The following CLCN5 variants were observed in gnomAD, a reference collection of about 807,000 sequenced individuals.
The protein encoded by CLCN5 is H(+)/Cl(-) exchange transporter 5.
A neutral mutation model predicts 54.0 loss-of-function variants in CLCN5; 17 were observed. That is an observed-to-expected ratio of 0.31 (90% CI 0.22 to 0.47). CLCN5 has a LOEUF of 0.47. Ranked by LOEUF, CLCN5 falls within the 20% of genes least tolerant of loss-of-function variation. The pLI is 1.00. For missense variants in CLCN5, 448 were observed against 646.7 expected, an observed-to-expected ratio of 0.69 and a Z score of 3.33; for synonymous variants, 222 against 233.0, an observed-to-expected ratio of 0.95 and a Z score of 0.43.
At chrX:49,931,324 A>G (rs1300655776) in intron 3 of CLCN5, among the ~76,000 whole-genome samples, 4 of 111,916 alleles carry the variant, frequency 3.6e-5, no homozygotes, top group Non-Finnish European at 7.5e-5. Context: ...TATGGATAGT[A>G]TAAAAAAAAG....
chrX:50,044,765 C>T (rs1329615504), intron 4 of CLCN5, among the ~76,000 whole-genome samples: 1 of 111,250 alleles, frequency 9.0e-6, no homozygotes, highest in African/African-American at 3.3e-5. Context: ...AATGGCTTGA[C>T]CATTGTGCGG....
intron 7 of CLCN5, among the ~76,000 whole-genome samples, chrX:50,078,301 T>C (rs940408719): frequency 1.1e-4 from 12 of 111,027 alleles, no homozygotes; most frequent in Non-Finnish European, 2.3e-4. Context: ...GCCACTGCAC[T>C]CCAACCTGGG....
At chrX:50,042,102 G>C (rs1401958192) in intron 3 of CLCN5, among the ~76,000 whole-genome samples, 1 of 111,883 alleles carries the variant, frequency 8.9e-6, no homozygotes, top group East Asian at 2.8e-4. Context: ...AGGTTACCAG[G>C]GCCTGGGGGA....
chrX:50,094,527 A>G lies in CLCN5; in HGVS notation c.*2308A>G, dbSNP rs1354941616. 3 of 112,701 alleles carry G rather than the reference A, an allele frequency of 2.7e-5. No homozygotes were observed. The highest frequency in any genetic ancestry group is 3.2e-5 in the African/African-American group (1 of 30,943). 9.3% of individuals were successfully genotyped at this position (112,701 alleles called of 1,213,427 possible). A position where few individuals can be genotyped will look rare whatever the true frequency, so the allele number is the denominator to read the frequency against. Reference sequence around the variant, plus strand: ...TCATATTTCATAGTGCAGTAGCGATAAGGAGGGTGTCTCAAGTTTGCTTTT... The same window carrying G: ...TCATATTTCATAGTGCAGTAGCGATGAGGAGGGTGTCTCAAGTTTGCTTTT... On this transcript the variant is annotated 3_prime_UTR_variant, in exon 15 of 15. Transcript: ENST00000376091.
At chrX:49,988,247 A>G (rs1557178494) in intron 3 of CLCN5, among the ~76,000 whole-genome samples, 1 of 110,901 alleles carries the variant, frequency 9.0e-6, no homozygotes, top group East Asian at 2.8e-4. Flanking sequence ...ATTGTCCATC[A>G]CCCAGGCCAG....
At chrX:50,057,492 A>G (rs1557189135) in intron 4 of CLCN5, among the ~76,000 whole-genome samples, 2 of 163 alleles carry the variant, frequency 0.012, no homozygotes, top group African/African-American at 0.059. Context: ...CTGGATAGAT[A>G]CTATCCAGGA....
chrX:50,086,330 C>G lies in CLCN5; in HGVS notation c.1017C>G (p.Val339=). ...CTTTCTCACCTTCTTTCTTCTAGGT[C>G]AGCTACTATTTTCCCCTCAAAACAT... ...IGGVLFSLEE[V]SYYFPLKTLW... The change falls in exon 11 of 15, where the codon GTC becomes GTG. Residue 339 remains valine, a splice_region_variant and synonymous_variant. Transcript: ENST00000376091. 8.3e-7 allele frequency: 1 copy of G among 1,208,219 alleles called. No homozygotes were observed. The highest frequency in any genetic ancestry group is 3.0e-5 in the East Asian group (1 of 33,758).
chrX:50,078,415 C>A (rs1268618219), intron 7 of CLCN5, among the ~76,000 whole-genome samples: 6 of 111,881 alleles, frequency 5.4e-5, no homozygotes, highest in Admixed American at 4.7e-4. Flanking sequence ...ACCCTTCCCC[C>A]AGCCTTCCCT....
chrX:50,074,601 G>A (rs1933337283), intron 6 of CLCN5, among the ~76,000 whole-genome samples: 1 of 112,276 alleles, frequency 8.9e-6, no homozygotes, highest in African/African-American at 3.2e-5. Context: ...GATTCTTCAA[G>A]TATGTAAGTA....
intron 3 of CLCN5, among the ~76,000 whole-genome samples, chrX:49,960,641 T>C (rs1557174538): frequency 9.1e-6 from 1 of 110,138 alleles, no homozygotes; most frequent in East Asian, 2.9e-4. Flanking sequence ...TCTTTTAATA[T>C]CATCTTTTCC....
At chrX:49,926,204 C>T (rs1281066634) in intron 3 of CLCN5, among the ~76,000 whole-genome samples, 3 of 112,081 alleles carry the variant, frequency 2.7e-5, no homozygotes, top group Non-Finnish European at 3.8e-5. Context: ...TGTAGGCACA[C>T]AAATGTAACA....
intron 3 of CLCN5, among the ~76,000 whole-genome samples, chrX:49,996,440 GA>G (rs1557179675): frequency 2.2e-4 from 25 of 111,723 alleles, no homozygotes; most frequent in Non-Finnish European, 7.5e-5. Flanking sequence ...ACTTCCTGAA[GA>G]AGCATTTTAC....
intron 14 of CLCN5, among the ~76,000 whole-genome samples, chrX:50,091,203 T>TA (rs1934089439): frequency 8.9e-6 from 1 of 111,881 alleles, no homozygotes; most frequent in African/African-American, 3.3e-5. Flanking sequence ...GGTAATAGTG[T>TA]ATTTGCTGGG....
At chrX:50,014,613 A>G (rs1930687504) in intron 3 of CLCN5, 1 of 354,525 alleles carries the variant, frequency 2.8e-6, no homozygotes, top group African/African-American at 2.6e-5. Context: ...CCCCTCTCTA[A>G]TCCTTGCTAT....
intron 4 of CLCN5, among the ~76,000 whole-genome samples, chrX:50,057,737 T>C (rs1557189233): frequency 9.4e-6 from 1 of 106,816 alleles, no homozygotes; most frequent in Non-Finnish European, 2.0e-5. Flanking sequence ...CATTTGCTTC[T>C]TGGCCACTGG....
intron 3 of CLCN5, among the ~76,000 whole-genome samples, chrX:49,939,675 G>A (rs782160410): frequency 1.0e-4 from 11 of 110,534 alleles, no homozygotes; most frequent in African/African-American, 3.3e-4. Flanking sequence ...GCATTAGGAG[G>A]TATACCTAAT....
intron 3 of CLCN5, among the ~76,000 whole-genome samples, chrX:49,979,299 G>A (rs182214587): frequency 3.0e-4 from 33 of 111,443 alleles, no homozygotes; most frequent in African/African-American, 1.1e-3. Context: ...CCCACCATAT[G>A]ACACACATTG....
In CLCN5 at chrX:50,075,883, T is replaced by C. The variant is rs1933381502; in HGVS notation, c.504T>C (p.His168=). 8.3e-7 allele frequency: 1 copy of C among 1,209,808 alleles called. No individual in the cohort carries two copies. The highest frequency in any genetic ancestry group is 1.8e-5 in the South Asian group (1 of 56,944). The change falls in exon 7 of 15, where the codon CAT becomes CAC. Residue 168 remains histidine (H), a synonymous_variant. Transcript: ENST00000376091. ...GICTGGFWFN[H]EHCCWNSEHV... ...GCACAGGGGGATTCTGGTTTAACCA[T>C]GAACATTGTTGCTGGAACTCTGAGC... is the stretch of plus-strand genomic sequence containing the variant.
In CLCN5 at chrX:50,093,842, G is replaced by A. The variant is rs890884088; in HGVS notation, c.*1623G>A. On this transcript the variant is annotated 3_prime_UTR_variant, in exon 15 of 15. Transcript: ENST00000376091. ...ACACATGGACCAGAGGTGACACACAGCCATTTCCTTTGCCATGTGGCCCAG... is the reference window on the plus strand; with the variant it reads ...ACACATGGACCAGAGGTGACACACAACCATTTCCTTTGCCATGTGGCCCAG... 1 of 111,991 alleles carries A rather than the reference G, an allele frequency of 8.9e-6. No homozygotes were observed. The highest frequency in any genetic ancestry group is 3.7e-4 in the South Asian group (1 of 2,677). The allele number at this position is 111,991 out of a possible 1,213,427, so 9.2% of individuals were successfully genotyped here.
Sources: gnomAD v4.1 joint callset for allele counts (sites outside exome capture counted in the v4.1 genomes callset) on GRCh38, gnomAD v4.1.1 for gene constraint, MANE v1.5 for transcripts, NCBI Gene and HGNC (gene_info 2026-07-23, HGNC 2026-07-21) for gene names.